The following ZNF626 variants were observed in gnomAD, a reference collection of about 807,000 sequenced individuals.
ZNF626 encodes zinc finger protein 626.
ZNF626 carries 4 observed loss-of-function variants against 11.7 expected under a neutral mutation model. The ratio of observed to expected loss-of-function variants is 0.34; its 90% CI spans 0.17 to 0.78. The LOEUF is 0.78. Among genes scored for constraint, ZNF626 ranks in the 30% least tolerant of loss-of-function variants. The pLI, the probability that ZNF626 is intolerant of heterozygous loss-of-function variation, is 0.57. For synonymous variants in ZNF626, 179 were observed against 198.6 expected (o/e 0.90, Z 0.83); for missense variants, 588 against 587.1 (o/e 1.00, Z -0.01).
Position 20,622,561 on chromosome 19 carries a change from A to G in ZNF626, c.*1729T>C, listed in dbSNP as rs1969769588. 2 of 140,896 alleles carry G rather than the reference A, an allele frequency of 1.4e-5. No individual in the cohort carries two copies. The highest frequency in any genetic ancestry group is 2.4e-4 in the South Asian group (1 of 4,134). The allele number at this position is 140,896 out of a possible 1,614,324, so 8.7% of individuals were successfully genotyped here. On this transcript the variant is annotated 3_prime_UTR_variant, in exon 4 of 4. Coordinates refer to ENST00000601440, the MANE Select transcript of ZNF626 (RefSeq NM_001076675.3). ...TTTCACGTGAATATAATAAAGTAAC[A>G]GCATAATTTGAAAGCTGTATTACAT... is the stretch of plus-strand genomic sequence containing the variant.
At chr19:20,645,578 C>A (rs2144783790) in intron 3 of ZNF626, 106 bp downstream of exon 3, 1 of 1,553,762 alleles carries the variant, frequency 6.4e-7, no homozygotes, top group East Asian at 2.3e-5. Context: ...GAACTATTTC[C>A]TTTGGAACAC....
chr19:20,625,829 C>G (rs935129168), intron 3 of ZNF626, among the ~76,000 whole-genome samples, 179 bp from the exon 4 acceptor site: 1 of 106,518 alleles, frequency 9.4e-6, no homozygotes, highest in Non-Finnish European at 2.1e-5. Flanking sequence ...GATCAAAATA[C>G]ATTTGTAAAA....
At chr19:20,632,937 T>C (rs1208758822) in intron 3 of ZNF626, among the ~76,000 whole-genome samples, 1 of 152,222 alleles carries the variant, frequency 6.6e-6, no homozygotes, top group East Asian at 1.9e-4. Context: ...TGGTCTTTGA[T>C]GATGGTGATG....
intron 1 of ZNF626, among the ~76,000 whole-genome samples, chr19:20,654,565 T>C (rs274812): frequency 0.97 from 146,288 of 151,492 alleles, 70,820 homozygotes; most frequent in Non-Finnish European, 1. Flanking sequence ...AAAAATTAGC[T>C]GGGCGTGGTG....
At chr19:20,638,651 A>T (rs1268918196) in intron 3 of ZNF626, among the ~76,000 whole-genome samples, 1 of 152,040 alleles carries the variant, frequency 6.6e-6, no homozygotes, top group Non-Finnish European at 1.5e-5. Flanking sequence ...GCTTTAAGTC[A>T]TGTACTACTA....
chr19:20,657,725 A>C (rs1555773263), intron 1 of ZNF626, among the ~76,000 whole-genome samples: 1 of 152,120 alleles, frequency 6.6e-6, no homozygotes, highest in Non-Finnish European at 1.5e-5. Flanking sequence ...GAATTGCTTG[A>C]ATCCAGGAGG....
intron 3 of ZNF626, among the ~76,000 whole-genome samples, chr19:20,637,189 T>C (rs570808676): frequency 1.3e-5 from 2 of 152,068 alleles, no homozygotes; most frequent in Admixed American, 6.6e-5. Context: ...AAAAACAATA[T>C]GTAAATGTGC....
chr19:20,639,979 T>A (rs1555771250), intron 3 of ZNF626, among the ~76,000 whole-genome samples: 1 of 151,990 alleles, frequency 6.6e-6, no homozygotes, highest in East Asian at 1.9e-4. Context: ...GACACAAAGA[T>A]AAACTGATGA....
Position 20,622,680 on chromosome 19 carries a change from T to C in ZNF626, c.*1610A>G, listed in dbSNP as rs910875331. 6.6e-5 allele frequency: 10 copies of C among 152,170 alleles called. No homozygotes were observed. Among genetic ancestry groups the C allele is most frequent in the African/African-American group, 2.4e-4 (10 of 41,468 alleles). The allele number at this position is 152,170 out of a possible 1,614,324, so 9.4% of individuals were successfully genotyped here. ...AAAATCTCCTTTTAAAGTTATATAC[T>C]AATTTATACAAACTTATATACAAAT... On this transcript the variant is annotated 3_prime_UTR_variant, in exon 4 of 4. Coordinates refer to ENST00000601440, the MANE Select transcript of ZNF626 (RefSeq NM_001076675.3).
At chr19:20,659,099 AGTAT>A in intron 1 of ZNF626, among the ~76,000 whole-genome samples, 1 of 152,358 alleles carries the variant, frequency 6.6e-6, no homozygotes, top group South Asian at 2.1e-4. Context: ...CTCCAGGAAC[AGTAT>A]ACGGAAAGAA....
chr19:20,654,299 C>T (rs989502058), intron 1 of ZNF626, among the ~76,000 whole-genome samples: 26 of 152,082 alleles, frequency 1.7e-4, no homozygotes, highest in Non-Finnish European at 2.5e-4. Context: ...AAAAATTAGC[C>T]GGACCTGGTG....
At chr19:20,627,028 CTAAA>C (rs145429877) in intron 3 of ZNF626, among the ~76,000 whole-genome samples, 10 of 150,922 alleles carry the variant, frequency 6.6e-5, no homozygotes, top group Admixed American at 6.6e-5. Context: ...GAAAAACTAA[CTAAA>C]TAAATAAATT....
chr19:20,648,521 C>T (rs548420805), intron 1 of ZNF626, among the ~76,000 whole-genome samples: 2 of 151,972 alleles, frequency 1.3e-5, no homozygotes, highest in Admixed American at 6.5e-5. Context: ...GGACTACAGG[C>T]GCCTGCCACC....
rs1969810365 is a variant in ZNF626 at position 20,625,121 on chromosome 19, A to C, written c.756T>G (p.Thr252=). 1 of 1,613,022 alleles carries C rather than the reference A, an allele frequency of 6.2e-7. No individual in the cohort carries two copies. The highest frequency in any genetic ancestry group is 8.5e-7 in the Non-Finnish European group (1 of 1,179,784). ...STLTTHKRNH[T]GEKPYKCDKC... is the part of the protein sequence containing the mutation. ...TATCACACTTGTAGGGTTTCTCTCC[A>C]GTATGATTTCTCTTATGTGTAGTAA... The change falls in exon 4 of 4, where the codon ACT becomes ACG. Residue 252 remains threonine (T), a synonymous_variant. Transcript: ENST00000601440.
rs533816037 is a variant in ZNF626 at position 20,625,129 on chromosome 19, TTC to T, written c.746_747del (p.Arg249LysfsTer11). 2.4e-4 allele frequency: 380 copies of T among 1,613,330 alleles called. No homozygotes were observed. The East Asian group carries it at 6.6e-3, about 28-fold the overall frequency. ...TTGTAGGGTTTCTCTCCAGTATGAT[TTC>T]TCTTATGTGTAGTAAGAGTGGAGGA... ...KHSSTLTTHK[R>X]NHTGEKPYKC... On this transcript the variant is annotated frameshift_variant, in exon 4 of 4. Transcript: ENST00000601440. LOFTEE classifies it low-confidence loss of function (END_TRUNC).
chr19:20,648,380 CTTT>C (rs1164596072), intron 1 of ZNF626, among the ~76,000 whole-genome samples: 4 of 53,794 alleles, frequency 7.4e-5, no homozygotes, highest in South Asian at 6.1e-4. Flanking sequence ...TCTTCTTCTT[CTTT>C]TTTTTTTTTC....
intron 3 of ZNF626, among the ~76,000 whole-genome samples, chr19:20,629,239 T>A (rs1298489562): frequency 1.3e-5 from 2 of 150,758 alleles, no homozygotes; most frequent in African/African-American, 4.9e-5. Flanking sequence ...TTTATTCTTT[T>A]GGCTTAGGAT....
At chr19:20,643,906 T>C (rs1035928416) in intron 3 of ZNF626, among the ~76,000 whole-genome samples, 2 of 152,182 alleles carry the variant, frequency 1.3e-5, no homozygotes, top group African/African-American at 4.8e-5. Context: ...ACGTGTTCTA[T>C]TCAGAAGGCA....
chr19:20,661,411 T>C, intron 1 of ZNF626, 33 bp downstream of exon 1: 1 of 1,613,526 alleles, frequency 6.2e-7, no homozygotes, highest in Middle Eastern at 1.7e-4. Context: ...CCAGTCCCTC[T>C]CCTCTCTCGG....
Sources: gnomAD v4.1 joint callset for allele counts (sites outside exome capture counted in the v4.1 genomes callset) on GRCh38, gnomAD v4.1.1 for gene constraint, MANE v1.5 for transcripts, NCBI Gene and HGNC (gene_info 2026-07-23, HGNC 2026-07-21) for gene names.